The following SNAPIN variants were observed in gnomAD, a reference collection of about 807,000 sequenced individuals.
The protein encoded by SNAPIN is SNAP associated protein, also known as SNARE-associated protein Snapin.
A neutral mutation model predicts 15.9 loss-of-function variants in SNAPIN; 16 were observed. The observed-to-expected ratio is 1.01, with a 90% CI of 0.68 to 1.53. The LOEUF (loss-of-function observed/expected upper bound fraction) is 1.53, where lower values mean the gene tolerates loss of function less well. SNAPIN is among the 40% of genes most tolerant of loss of function. The probability of loss-of-function intolerance (pLI) is 0.00; values close to 1 mark genes in which losing one functional copy is unlikely to be tolerated. For synonymous variants in SNAPIN, 83 were observed against 76.2 expected (o/e 1.09, Z -0.46); for missense variants, 186 against 180.1 (o/e 1.03, Z -0.19).
intron 1 of SNAPIN, 74 bp from the exon 2 acceptor site, chr1:153,659,064 G>A: frequency 1.3e-6 from 2 of 1,578,602 alleles, no homozygotes; most frequent in South Asian, 1.1e-5. Flanking sequence ...TCAGTACTTG[G>A]TAAATACGTA....
At chr1:153,661,114 A>G in intron 3 of SNAPIN, 86 bp from the exon 4 acceptor site, 1 of 1,049,842 alleles carries the variant, frequency 9.5e-7, no homozygotes, top group Non-Finnish European at 1.5e-6. Context: ...GAGGTAGATC[A>G]CGCCCGGTAT....
chr1:153,659,410 G>A (rs1273363871), intron 2 of SNAPIN, 38 bp from the exon 3 acceptor site: 3 of 1,522,056 alleles, frequency 2.0e-6, no homozygotes, highest in Non-Finnish European at 2.7e-6. Flanking sequence ...CAAGAGATAA[G>A]CCGTTAGATC....
upstream of SNAPIN, chr1:153,658,692 T>G: frequency 6.7e-7 from 1 of 1,482,164 alleles, no homozygotes; most frequent in African/African-American, 1.4e-5. Flanking sequence ...GCGGCGCGGC[T>G]CCGGTTCCCG....
intron 3 of SNAPIN, among the ~76,000 whole-genome samples, chr1:153,660,255 G>T (rs1298377416): frequency 6.6e-6 from 1 of 151,676 alleles, no homozygotes; most frequent in South Asian, 2.1e-4. Context: ...ACTCCTGCAT[G>T]CGAGTGATCC....
In SNAPIN at chr1:153,658,728, T is replaced by A. The variant is rs1376602576; in HGVS notation, c.-16T>A. 1 of 1,545,088 alleles carries A rather than the reference T, an allele frequency of 6.5e-7. No homozygotes were observed. The highest frequency in any genetic ancestry group is 8.7e-7 in the Non-Finnish European group (1 of 1,153,878). On this transcript the variant is annotated 5_prime_UTR_variant, in exon 1 of 4. Coordinates refer to ENST00000368685, the MANE Select transcript of SNAPIN (RefSeq NM_012437.6). Reference sequence around the variant, plus strand: ...GCGGCCCTCGCGGCAGGTTTCGGGCTTCAGGACAATTCGTGATGGCGGGGG... The same window carrying A: ...GCGGCCCTCGCGGCAGGTTTCGGGCATCAGGACAATTCGTGATGGCGGGGG...
chr1:153,661,442 C>T lies in SNAPIN; in HGVS notation c.*141C>T, dbSNP rs774962528. ...GCCGTACAGTTTGTTTGAAGCACTT[C>T]GTCTTACCCATTTATGTAGGGGCCC... is the stretch of plus-strand genomic sequence containing the variant. On this transcript the variant is annotated 3_prime_UTR_variant, in exon 4 of 4. Coordinates refer to ENST00000368685, the MANE Select transcript of SNAPIN (RefSeq NM_012437.6). The T allele has an allele frequency of 8.3e-6, 5 of 603,794 alleles. No individual in the cohort carries two copies. Among genetic ancestry groups the T allele is most frequent in the Non-Finnish European group, 1.4e-5 (5 of 357,570 alleles). The allele number at this position is 603,794 out of a possible 1,614,324, so 37.4% of individuals were successfully genotyped here.
intron 3 of SNAPIN, among the ~76,000 whole-genome samples, chr1:153,659,924 AG>A: frequency 6.6e-6 from 1 of 152,222 alleles, no homozygotes; most frequent in Non-Finnish European, 1.5e-5. Flanking sequence ...TTGTAGAAGT[AG>A]GGTTTCTCCA....
In SNAPIN at chr1:153,658,710, T is replaced by C; in HGVS notation, c.-34T>C. On this transcript the variant is annotated 5_prime_UTR_variant, in exon 1 of 4. Transcript: ENST00000368685. ...GCGCGGCTCCGGTTCCCGGCGGCCCTCGCGGCAGGTTTCGGGCTTCAGGAC... is the reference window on the plus strand; with the variant it reads ...GCGCGGCTCCGGTTCCCGGCGGCCCCCGCGGCAGGTTTCGGGCTTCAGGAC... The C allele has an allele frequency of 6.7e-7, 1 of 1,494,690 alleles. No homozygotes were observed. Among genetic ancestry groups the C allele is most frequent in the Non-Finnish European group, 8.9e-7 (1 of 1,129,488 alleles). 92.6% of individuals were successfully genotyped at this position (1,494,690 alleles called of 1,614,324 possible).
chr1:153,661,504 AG>A lies in SNAPIN; in HGVS notation c.*205del. 1 of 404,850 alleles carries A rather than the reference AG, an allele frequency of 2.5e-6. No individual in the cohort carries two copies. Among genetic ancestry groups the A allele is most frequent in the South Asian group, 3.6e-5 (1 of 27,896 alleles). The allele number at this position is 404,850 out of a possible 1,614,324, so 25.1% of individuals were successfully genotyped here. A position where few individuals can be genotyped will look rare whatever the true frequency, so the allele number is the denominator to read the frequency against. ...CACACAGCCAGAATGAGGTTCCCAA[AG>A]GACTTACATTAATTATGGCTCTTGC... is the stretch of plus-strand genomic sequence containing the variant. On this transcript the variant is annotated 3_prime_UTR_variant, in exon 4 of 4. Transcript: ENST00000368685.
In SNAPIN at chr1:153,658,772, C is replaced by CG. The variant is rs745309275; in HGVS notation, c.34dup (p.Ala12GlyfsTer48). 6.3e-7 allele frequency: 1 copy of CG among 1,577,102 alleles called. No individual in the cohort carries two copies. The highest frequency in any genetic ancestry group is 1.4e-5 in the African/African-American group (1 of 72,466). ...GCGGGGGCTGGTTCCGCCGCTGTAT[C>CG]GGGGGCAGGGACCCCGGTGGCGGGG... On this transcript the variant is annotated frameshift_variant, in exon 1 of 4. Transcript: ENST00000368685. LOFTEE classifies it high-confidence loss of function.
chr1:153,660,651 G>GA (rs936959398), intron 3 of SNAPIN, among the ~76,000 whole-genome samples: 18,063 of 111,780 alleles, frequency 0.16, 1,576 homozygotes, highest in African/African-American at 0.25. Context: ...TCCGTCTCGG[G>GA]AAAAAAAAAA....
chr1:153,659,080 G>A, intron 1 of SNAPIN, 58 bp from the exon 2 acceptor site: 2 of 1,596,430 alleles, frequency 1.3e-6, no homozygotes, highest in South Asian at 1.1e-5. Context: ...ACGTAGGGGA[G>A]TTCGTTTCCT....
At position 153,658,756 on chromosome 1, in the gene SNAPIN, G is replaced by A. The variant is rs533353962; in HGVS notation, c.13G>A (p.Gly5Ser). Residue 5 changes from glycine (G) to serine (S), a missense_variant, in exon 1 of 4, where the codon GGT becomes AGT. Gly to Ser is a moderately conservative substitution (Grantham distance 56). Coordinates refer to ENST00000368685, the MANE Select transcript of SNAPIN (RefSeq NM_012437.6). ...AGGACAATTCGTGATGGCGGGGGCT[G>A]GTTCCGCCGCTGTATCGGGGGCAGG... MAGA[G>S]SAAVSGAGTP... is the part of the protein sequence containing the mutation. 43 of 1,565,672 alleles carry A rather than the reference G, an allele frequency of 2.7e-5. No individual in the cohort carries two copies. In the South Asian group the frequency reaches 4.5e-4, roughly 16 times the overall value.
chr1:153,659,294 C>T (rs1669092552), intron 2 of SNAPIN, 110 bp downstream of exon 2: 1 of 1,324,468 alleles, frequency 7.6e-7, no homozygotes. Flanking sequence ...GGCATCAGGG[C>T]TGCCAAAGGA....
At position 153,661,213 on chromosome 1, in the gene SNAPIN, G is replaced by A. The variant is rs780436104; in HGVS notation, c.323G>A (p.Arg108Gln). 5 of 1,613,524 alleles carry A rather than the reference G, an allele frequency of 3.1e-6. 1 individual carries two copies. The highest frequency in any genetic ancestry group is 2.2e-5 in the South Asian group (2 of 91,070). The change falls in exon 4 of 4, where the codon CGG (arginine) becomes CAG (glutamine). Residue 108 changes from arginine to glutamine, a missense_variant. Transcript: ENST00000368685. ...CTTGTCTTGTAGGAACGACTGAGAC[G>A]GCTAAACCACAGTGTTGCCAAGGAA... ...ILQNAQERLR[R>Q]LNHSVAKETA... is the part of the protein sequence containing the mutation.
At chr1:153,660,547 C>G (rs929287635) in intron 3 of SNAPIN, among the ~76,000 whole-genome samples, 2 of 150,118 alleles carry the variant, frequency 1.3e-5, no homozygotes, top group Non-Finnish European at 2.9e-5. Context: ...ACTTGGGAGG[C>G]TGAGACAGAA....
At chr1:153,660,635 C>T (rs904173672) in intron 3 of SNAPIN, among the ~76,000 whole-genome samples, 3 of 129,566 alleles carry the variant, frequency 2.3e-5, no homozygotes, top group East Asian at 2.1e-4. Context: ...GCAACAAGAG[C>T]GAAACTCCGT....
chr1:153,659,337 T>G, intron 2 of SNAPIN, 111 bp from the exon 3 acceptor site: 16 of 1,225,686 alleles, frequency 1.3e-5, no homozygotes, highest in Non-Finnish European at 1.9e-5. Context: ...AAATCTCTAA[T>G]GGCTGTGGCC....
intron 3 of SNAPIN, among the ~76,000 whole-genome samples, chr1:153,660,912 C>T (rs1669138228): frequency 6.6e-6 from 1 of 151,800 alleles, no homozygotes; most frequent in Non-Finnish European, 1.5e-5. Context: ...AGATTACAAG[C>T]ACCCGCCACC....
Sources: allele counts gnomAD v4.1 joint callset (sites outside exome capture counted in the v4.1 genomes callset), GRCh38; gene constraint gnomAD v4.1.1; transcripts MANE v1.5; gene names NCBI Gene and HGNC (gene_info 2026-07-23, HGNC 2026-07-21).